The following STX8 variants were observed in gnomAD, a reference collection of about 807,000 sequenced individuals.
The protein encoded by STX8 is syntaxin 8.
In STX8, 23 loss-of-function variants were observed where a neutral mutation model predicts 37.5. The ratio of observed to expected loss-of-function variants is 0.61; its 90% confidence interval spans 0.44 to 0.87. The LOEUF (loss-of-function observed/expected upper bound fraction) is 0.87, where lower values mean the gene tolerates loss of function less well. Among genes scored for constraint, STX8 ranks in the 40% least tolerant of loss-of-function variants. The pLI, the probability that STX8 is intolerant of heterozygous loss-of-function variation, is 0.00. For synonymous variants in STX8, 115 were observed against 99.1 expected (o/e 1.16, Z -0.95); for missense variants, 313 against 284.7 (o/e 1.10, Z -0.71).
rs539182093 is a variant in STX8, at chr17:9,394,002, A to T, written c.542-15349T>A. 5.3e-5 allele frequency among the ~76,000 whole-genome samples: 8 copies of T among 152,356 alleles called. No individual in the cohort carries two copies. The South Asian group carries it at 1.7e-3, about 32-fold the overall frequency. On this transcript the variant is annotated intron_variant, in intron 6 of 7. Transcript: ENST00000306357. ...GTTAATTTAAGAATTAAAATTTAAA[A>T]ATATACAAGAGAGATACAGGTAAAG...
chr17:9,568,371 CT>C lies in STX8; in HGVS notation c.116del (p.Lys39SerfsTer4). On this transcript the variant is annotated frameshift_variant and splice_region_variant, in exon 2 of 8. Coordinates refer to ENST00000306357, the MANE Select transcript of STX8 (RefSeq NM_004853.3). LOFTEE classifies it high-confidence loss of function. ...QYERKGEKAPKLTVTIRALLQ... is the reference protein window; with the variant it reads ...QYERKGEKAPXLTVTIRALLQ... The stretch of plus-strand genomic sequence containing the variant: ...GGTACTAATTCCTTCATGGTATTAC[CT>C]TTGGTGCCTTTTCACCTTTTCTTTC... The C allele has an allele frequency of 1.9e-6, 3 of 1,608,928 alleles. No homozygotes were observed. Among genetic ancestry groups the C allele is most frequent in the South Asian group, 2.2e-5 (2 of 90,640 alleles).
At chr17:9,421,229 C>A (rs1913413837) in intron 6 of STX8, among the ~76,000 whole-genome samples, 1 of 151,770 alleles carries the variant, frequency 6.6e-6, no homozygotes, top group Admixed American at 6.6e-5. Context: ...TCCGTCTCTA[C>A]TAAATATACG....
intron 7 of STX8, among the ~76,000 whole-genome samples, chr17:9,358,436 A>C (rs1409508663): frequency 1.3e-5 from 2 of 152,234 alleles, no homozygotes; most frequent in South Asian, 4.1e-4. Flanking sequence ...ACGGTCTTCA[A>C]CCCACTTTAA....
chr17:9,399,582 C>A (rs1269055219), intron 6 of STX8, among the ~76,000 whole-genome samples: 1 of 151,996 alleles, frequency 6.6e-6, no homozygotes, highest in African/African-American at 2.4e-5. Flanking sequence ...AAGATGAGAT[C>A]CGGCCGGGTG....
At chr17:9,497,886 G>GGGC (rs2142487984) in intron 5 of STX8, among the ~76,000 whole-genome samples, 1 of 152,290 alleles carries the variant, frequency 6.6e-6, no homozygotes, top group Non-Finnish European at 1.5e-5. Context: ...CACAGAGGGA[G>GGGC]GGCCCTCTAG....
chr17:9,272,579 C>T (rs372407405), intron 7 of STX8, among the ~76,000 whole-genome samples: 1 of 152,328 alleles, frequency 6.6e-6, no homozygotes, highest in East Asian at 1.9e-4. Flanking sequence ...GTCTGCCATC[C>T]CAGAGCGTAC....
Position 9,367,193 on chromosome 17 carries a change from C to CT in STX8, c.643+11358dup, listed in dbSNP as rs1911255637. ...TTTTGTTTTTTTTTTTTTGGTTTTGCTTTTTTTCCCTGTCCAGATCCAAGT... is the reference window on the plus strand; with the variant it reads ...TTTTGTTTTTTTTTTTTTGGTTTTGCTTTTTTTTCCCTGTCCAGATCCAAGT... On this transcript the variant is annotated intron_variant, in intron 7 of 7. Transcript: ENST00000306357. Among the ~76,000 whole-genome samples, 3 of 146,192 alleles carry CT rather than the reference C, an allele frequency of 2.1e-5. No homozygotes were observed. In the South Asian group the frequency reaches 6.5e-4, roughly 32 times the overall value.
At chr17:9,485,146 T>A (rs1906530601) in intron 6 of STX8, among the ~76,000 whole-genome samples, 1 of 125,432 alleles carries the variant, frequency 8.0e-6, no homozygotes, top group Non-Finnish European at 1.8e-5. Flanking sequence ...TATAATAAGA[T>A]CTGTGTTCTG....
chr17:9,523,336 G>A (rs1469913532), intron 4 of STX8, among the ~76,000 whole-genome samples: 1 of 148,612 alleles, frequency 6.7e-6, no homozygotes, highest in Admixed American at 6.7e-5. Context: ...AAATCACACT[G>A]TACCCCATAA....
intron 7 of STX8, among the ~76,000 whole-genome samples, chr17:9,324,625 C>A (rs1056409427): frequency 1.3e-5 from 2 of 151,702 alleles, no homozygotes; most frequent in Admixed American, 1.3e-4. Context: ...ATTAGCTGGG[C>A]GTGGTGGCAG....
intron 7 of STX8, chr17:9,273,319 A>G (rs1188513935): frequency 6.6e-6 from 1 of 152,236 alleles, no homozygotes; most frequent in Non-Finnish European, 1.5e-5. Context: ...TTTGGGTCCA[A>G]AAGGTCATCT....
intron 7 of STX8, among the ~76,000 whole-genome samples, chr17:9,327,282 GAAGAAAGAAGAAGAAGA>G (rs1348993992): frequency 2.0e-5 from 3 of 147,142 alleles, no homozygotes; most frequent in Non-Finnish European, 4.4e-5. Flanking sequence ...GAGGAAGAAG[GAAGAAAGAAGAAGAAGA>G]AAGAAAGAAG....
At chr17:9,547,078 T>C (rs1906557413) in intron 3 of STX8, among the ~76,000 whole-genome samples, 1 of 150,630 alleles carries the variant, frequency 6.6e-6, no homozygotes, top group Non-Finnish European at 1.5e-5. Flanking sequence ...TAAAACCCCG[T>C]CTCTACTAAA....
In STX8 at chr17:9,299,302, A is replaced by G. The variant is rs141185328; in HGVS notation, c.644-48657T>C. 2.8e-4 allele frequency among the ~76,000 whole-genome samples: 43 copies of G among 152,148 alleles called. No homozygotes were observed. The East Asian group carries it at 6.4e-3, about 23-fold the overall frequency. ...TGGTCACATGGTTAATTCCCAATCT[A>G]TGCTATACAGAATGCTGAGCCTTAC... On this transcript the variant is annotated intron_variant, in intron 7 of 7. Coordinates refer to ENST00000306357, the MANE Select transcript of STX8 (RefSeq NM_004853.3).
intron 2 of STX8, among the ~76,000 whole-genome samples, chr17:9,563,742 TA>T (rs1907345865): frequency 1.3e-5 from 2 of 151,788 alleles, no homozygotes. Flanking sequence ...AAAATTAAAT[TA>T]AAAAGTTGGA....
intron 6 of STX8, among the ~76,000 whole-genome samples, chr17:9,437,157 T>A (rs1567560439): frequency 6.6e-6 from 1 of 152,226 alleles, no homozygotes; most frequent in Non-Finnish European, 1.5e-5. Flanking sequence ...GGTTTATGGT[T>A]TTAAAAGTAT....
At chr17:9,467,999 C>T (rs1730621747) in intron 6 of STX8, among the ~76,000 whole-genome samples, 1 of 152,184 alleles carries the variant, frequency 6.6e-6, no homozygotes, top group South Asian at 2.1e-4. Context: ...TAATAATACA[C>T]ATGTAACTCT....
intron 6 of STX8, among the ~76,000 whole-genome samples, chr17:9,402,637 C>T (rs1912663405): frequency 6.6e-6 from 1 of 152,138 alleles, no homozygotes; most frequent in Non-Finnish European, 1.5e-5. Context: ...CGACACTTTG[C>T]ATTGTATTTT....
intron 6 of STX8, among the ~76,000 whole-genome samples, chr17:9,384,126 ATT>A (rs11288399): frequency 0.011 from 1,470 of 139,558 alleles, 31 homozygotes; most frequent in African/African-American, 0.034. Context: ...CTCATTTGTT[ATT>A]TTTTTTTTTT....
Sources: gnomAD v4.1 joint callset for allele counts (sites outside exome capture counted in the v4.1 genomes callset) on GRCh38, gnomAD v4.1.1 for gene constraint, MANE v1.5 for transcripts, NCBI Gene and HGNC (gene_info 2026-07-23, HGNC 2026-07-21) for gene names.